The following VWA2 variants were observed in gnomAD, a reference collection of about 807,000 sequenced individuals.
The protein encoded by VWA2 is von Willebrand factor A domain containing 2.
In VWA2, 73 loss-of-function variants were observed where a neutral mutation model predicts 70.4. The ratio of observed to expected loss-of-function variants is 1.04; its 90% CI spans 0.86 to 1.26. The LOEUF is 1.26. Ranked by LOEUF, VWA2 falls within the 50% of genes most tolerant of loss-of-function variation. The pLI is 0.00. For missense variants in VWA2, 1,011 were observed against 998.5 expected (o/e 1.01, Z -0.17); for synonymous variants, 407 against 423.3 (o/e 0.96, Z 0.47).
In VWA2 at chr10:114,261,406, T is replaced by C. The variant is rs1589750341; in HGVS notation, c.371+111T>C. 26 of 771,266 alleles carry C rather than the reference T, an allele frequency of 3.4e-5. No homozygotes were observed. The East Asian group carries it at 6.8e-4, about 20-fold the overall frequency. 47.8% of individuals were successfully genotyped at this position (771,266 alleles called of 1,614,324 possible). A position where few individuals can be genotyped will look rare whatever the true frequency, so the allele number is the denominator to read the frequency against. On this transcript the variant is annotated intron_variant, in intron 5 of 13. Transcript: ENST00000392982. ...GCTCACAGAGAGGACTGTGGGCTGCTTTCAGGAGTCCAGCTGGGCACAGTT... is the reference window on the plus strand; with the variant it reads ...GCTCACAGAGAGGACTGTGGGCTGCCTTCAGGAGTCCAGCTGGGCACAGTT...
chr10:114,272,671 A>G (rs1246116010), intron 5 of VWA2, 69 bp from the exon 6 acceptor site: 1 of 1,373,528 alleles, frequency 7.3e-7, no homozygotes, highest in Non-Finnish European at 9.8e-7. Context: ...TCGATTTCAG[A>G]CTCTCATCCC....
At chr10:114,285,916 G>C (rs2038816603) in intron 10 of VWA2, 23 bp from the exon 11 acceptor site, 6 of 1,558,444 alleles carry the variant, frequency 3.8e-6, no homozygotes, top group Non-Finnish European at 5.2e-6. Flanking sequence ...GCTTGACAGT[G>C]GGTGTTGCTG....
At position 114,286,604 on chromosome 10, in the gene VWA2, C is replaced by T. The variant is rs1474994060; in HGVS notation, c.1570+93C>T. The T allele has an allele frequency of 1.2e-5, 14 of 1,127,236 alleles. No individual in the cohort carries two copies. The East Asian group carries it at 3.5e-4, about 29-fold the overall frequency. The allele number at this position is 1,127,236 out of a possible 1,614,324, so 69.8% of individuals were successfully genotyped here. ...CCTAACCATCATTTTCTGCCAGTGC[C>T]TCTTCTAGGGGCTGAAACCACAGCC... On this transcript the variant is annotated intron_variant, in intron 11 of 13. Transcript: ENST00000392982.
intron 4 of VWA2, among the ~76,000 whole-genome samples, chr10:114,259,698 A>G (rs960773169): frequency 5.9e-5 from 9 of 152,068 alleles, no homozygotes; most frequent in Admixed American, 6.6e-5. Context: ...TCATTGACTG[A>G]CTAGATCATC....
rs756320572 is a variant in VWA2 at position 114,261,150 on chromosome 10, G to T, written c.262-36G>T. 2.8e-5 allele frequency: 42 copies of T among 1,510,928 alleles called. No homozygotes were observed. In the Admixed American group the frequency reaches 7.2e-4, roughly 26 times the overall value. 93.6% of individuals were successfully genotyped at this position (1,510,928 alleles called of 1,614,324 possible). ...CCTCTTAGGAATGTTTTTGACTCCA[G>T]TCTCGGGGCCCTGAGCCCCCTGTCT... On this transcript the variant is annotated intron_variant, in intron 4 of 13. Coordinates refer to ENST00000392982, the MANE Select transcript of VWA2 (RefSeq NM_001272046.2).
intron 12 of VWA2, chr10:114,289,916 C>T (rs1030555491): frequency 2.3e-5 from 7 of 309,452 alleles, no homozygotes; most frequent in Admixed American, 4.5e-5. Flanking sequence ...CACTTGAACC[C>T]GGGAGGTGGA....
intron 4 of VWA2, among the ~76,000 whole-genome samples, chr10:114,258,083 G>A (rs536259345): frequency 6.6e-6 from 1 of 152,356 alleles, no homozygotes; most frequent in African/African-American, 2.4e-5. Context: ...AAGTGAATTA[G>A]TGTCTTGACC....
At chr10:114,245,278 T>C (rs971295390) in intron 1 of VWA2, among the ~76,000 whole-genome samples, 1 of 152,222 alleles carries the variant, frequency 6.6e-6, no homozygotes. Flanking sequence ...GCTGCTTAAG[T>C]TGGTCTCATA....
intron 6 of VWA2, among the ~76,000 whole-genome samples, chr10:114,276,029 G>A (rs992620190): frequency 1.3e-5 from 2 of 152,182 alleles, no homozygotes; most frequent in African/African-American, 2.4e-5. Flanking sequence ...CTGTCTCATC[G>A]CTGTCCAGTT....
intron 1 of VWA2, chr10:114,246,168 CT>C (rs2037063028): frequency 5.9e-6 from 7 of 1,191,352 alleles, no homozygotes; most frequent in Admixed American, 3.5e-5. Context: ...GGGAAGCCTC[CT>C]TTTGAGGCAA....
chr10:114,272,641 G>A (rs988509987), intron 5 of VWA2, 99 bp from the exon 6 acceptor site: 31 of 1,096,482 alleles, frequency 2.8e-5, no homozygotes, highest in African/African-American at 1.4e-4. Context: ...GCTACCTTTC[G>A]CTAATAACGG....
rs964145591 is a variant in VWA2 at position 114,282,659 on chromosome 10, A to G, written c.889+88A>G. 4 of 1,211,890 alleles carry G rather than the reference A, an allele frequency of 3.3e-6. No individual in the cohort carries two copies. The African/African-American group carries it at 6.0e-5, about 18-fold the overall frequency. The allele number at this position is 1,211,890 out of a possible 1,614,324, so 75.1% of individuals were successfully genotyped here. On this transcript the variant is annotated intron_variant, in intron 9 of 13. Coordinates refer to ENST00000392982, the MANE Select transcript of VWA2 (RefSeq NM_001272046.2). Reference sequence around the variant, plus strand: ...AGTGGCTTTTACAATCCTGGGACAGAGGGTGGGGTTGTGACTGGCTCCAGG... The same window carrying G: ...AGTGGCTTTTACAATCCTGGGACAGGGGGTGGGGTTGTGACTGGCTCCAGG...
chr10:114,268,700 T>TTTTTC (rs199993232), intron 5 of VWA2, among the ~76,000 whole-genome samples: 355 of 80,580 alleles, frequency 4.4e-3, no homozygotes, highest in African/African-American at 0.024. Flanking sequence ...TCTTTTTTCT[T>TTTTTC]TTTTTTTTTT....
intron 5 of VWA2, among the ~76,000 whole-genome samples, chr10:114,264,972 G>A (rs2037531695): frequency 6.6e-6 from 1 of 152,080 alleles, no homozygotes; most frequent in African/African-American, 2.4e-5. Flanking sequence ...CACCTGCCTT[G>A]GCCTCCCAAA....
At chr10:114,249,180 C>T (rs2037142153) in intron 2 of VWA2, among the ~76,000 whole-genome samples, 1 of 152,080 alleles carries the variant, frequency 6.6e-6, no homozygotes, top group South Asian at 2.1e-4. Context: ...CTCCCCACCC[C>T]ACCACTCGAC....
chr10:114,289,461 G>C lies in VWA2; in HGVS notation c.2094G>C (p.Gln698His), dbSNP rs766288952. Residue 698 changes from glutamine to histidine, a missense_variant, in exon 12 of 14, where the codon CAG becomes CAC. Coordinates refer to ENST00000392982, the MANE Select transcript of VWA2 (RefSeq NM_001272046.2). ...CTTACGCCGACCTGCGGTACCACCA[G>C]GACGTGCTCATTGAGTGGCTGTGTG... Reference protein sequence around the residue: ...VAAYADLRYHQDVLIEWLCGE... With the variant: ...VAAYADLRYHHDVLIEWLCGE... The C allele has an allele frequency of 1.9e-6, 3 of 1,614,238 alleles. No homozygotes were observed. Among genetic ancestry groups the C allele is most frequent in the South Asian group, 2.2e-5 (2 of 91,086 alleles).
chr10:114,273,564 A>G (rs2037757527), intron 6 of VWA2, among the ~76,000 whole-genome samples: 1 of 152,190 alleles, frequency 6.6e-6, no homozygotes, highest in Non-Finnish European at 1.5e-5. Context: ...AGAAGAGAGG[A>G]GGGTACAGAT....
chr10:114,249,879 A>G (rs17091475), intron 2 of VWA2, among the ~76,000 whole-genome samples: 2,178 of 151,890 alleles, frequency 0.014, 54 homozygotes, highest in African/African-American at 0.05. Flanking sequence ...TTCTCATCTT[A>G]CCCCGTGGCC....
At chr10:114,282,389 C>T (rs547763959) in intron 8 of VWA2, 127 bp from the exon 9 acceptor site, 2 of 746,508 alleles carry the variant, frequency 2.7e-6, no homozygotes, top group African/African-American at 3.5e-5. Context: ...AGAAACAAAA[C>T]CAGGAAGTCT....
Sources: allele counts gnomAD v4.1 joint callset (sites outside exome capture counted in the v4.1 genomes callset), GRCh38; gene constraint gnomAD v4.1.1; transcripts MANE v1.5; gene names NCBI Gene and HGNC (gene_info 2026-07-23, HGNC 2026-07-21).